Variants in PIK3R4 observed in about 807,000 individuals in gnomAD.
PIK3R4 encodes the protein phosphoinositide-3-kinase regulatory subunit 4, also known as phosphoinositide 3-kinase regulatory subunit 4.
A neutral mutation model predicts 136.5 loss-of-function variants in PIK3R4; 46 were observed. That is an observed-to-expected ratio of 0.34 (90% confidence interval 0.27 to 0.43). The LOEUF (loss-of-function observed/expected upper bound fraction) is 0.43, where lower values mean the gene tolerates loss of function less well. PIK3R4 is among the 20% of genes least tolerant of loss of function. The pLI is 1.00. For synonymous variants in PIK3R4, 557 were observed against 566.7 expected (o/e 0.98, Z 0.24); for missense variants, 1,331 against 1,649.5 (o/e 0.81, Z 3.35).
In PIK3R4 at chr3:130,686,343, C is replaced by T. The variant is rs1187051125; in HGVS notation, c.3343G>A (p.Ala1115Thr). The part of the protein sequence containing the change: ...NSGAQSVLAY[A>T]TVNGSLVGWD... ...CCAACCAGAGAGCCATTCACAGTGG[C>T]ATAGGCAAGAACAGACTGTGCTCCA... Residue 1115 changes from alanine (A) to threonine (T), a missense_variant, in exon 15 of 20, where the codon GCC (alanine) becomes ACC (threonine). Transcript: ENST00000356763. 1 of 1,613,066 alleles carries T rather than the reference C, an allele frequency of 6.2e-7. No homozygotes were observed. Among genetic ancestry groups the T allele is most frequent in the Non-Finnish European group, 8.5e-7 (1 of 1,179,080 alleles).
intron 2 of PIK3R4, among the ~76,000 whole-genome samples, chr3:130,738,023 GATTTTTCT>G (rs2066795482): frequency 6.6e-6 from 1 of 152,108 alleles, no homozygotes; most frequent in Admixed American, 6.6e-5. Context: ...ATGAGGAAGG[GATTTTTCT>G]ATTTTTCTCT....
intron 6 of PIK3R4, 57 bp downstream of exon 6, chr3:130,728,406 G>T: frequency 9.7e-7 from 1 of 1,027,502 alleles, no homozygotes; most frequent in Non-Finnish European, 1.4e-6. Flanking sequence ...AGATTGCATG[G>T]AAGTATTTGA....
In PIK3R4 at chr3:130,738,897, C is replaced by T. The variant is rs945188090; in HGVS notation, c.734-2895G>A. Among the ~76,000 whole-genome samples, 6 of 152,176 alleles carry T rather than the reference C, an allele frequency of 3.9e-5. No individual in the cohort carries two copies. In the East Asian group the frequency reaches 9.6e-4, roughly 24 times the overall value. On this transcript the variant is annotated intron_variant, in intron 2 of 19. Coordinates refer to ENST00000356763, the MANE Select transcript of PIK3R4 (RefSeq NM_014602.3). The stretch of plus-strand genomic sequence containing the variant: ...GGGCAAAACAGAGGATCCTTGAGTA[C>T]AGCAGAATGCTGAGGTCCTACTGTT...
intron 13 of PIK3R4, among the ~76,000 whole-genome samples, chr3:130,703,174 G>A (rs58051857): frequency 0.21 from 31,279 of 151,970 alleles, 3,480 homozygotes; most frequent in South Asian, 0.36. Flanking sequence ...TCAGAGTCAA[G>A]GTCAAAGTCC....
chr3:130,680,132 T>G (rs2066448787), intron 19 of PIK3R4, among the ~76,000 whole-genome samples: 1 of 151,784 alleles, frequency 6.6e-6, no homozygotes, highest in South Asian at 2.1e-4. Flanking sequence ...ATTCTACCAC[T>G]TCTAAAGCTC....
intron 2 of PIK3R4, among the ~76,000 whole-genome samples, chr3:130,737,306 G>T (rs1198549622): frequency 6.6e-6 from 1 of 151,988 alleles, no homozygotes; most frequent in Admixed American, 6.5e-5. Context: ...CAACTTCCAG[G>T]TTATATTTTA....
At chr3:130,709,046 C>A (rs1355493617) in intron 9 of PIK3R4, among the ~76,000 whole-genome samples, 7 of 152,092 alleles carry the variant, frequency 4.6e-5, no homozygotes, top group African/African-American at 9.6e-5. Flanking sequence ...CAGTAGCAAT[C>A]TAGGATAATG....
intron 9 of PIK3R4, among the ~76,000 whole-genome samples, chr3:130,714,079 A>G (rs1240737228): frequency 2.0e-5 from 3 of 152,228 alleles, no homozygotes; most frequent in Non-Finnish European, 4.4e-5. Context: ...TTTACTGCAC[A>G]TTGAAATCTC....
rs764319485 is a variant in PIK3R4, at chr3:130,734,028, GA to G, written c.969del (p.Leu324PhefsTer59). On this transcript the variant is annotated frameshift_variant, in exon 4 of 20. Transcript: ENST00000356763. LOFTEE classifies it high-confidence loss of function. ...GCAAACTGGGCCATGTAGGGCTGAA[GA>G]AAAGTGTAAAATATTTCAGGAAAGG... ...GNAFPEIFYT[F>X]LQPYMAQFAK... 1 of 1,614,002 alleles carries G rather than the reference GA, an allele frequency of 6.2e-7. No individual in the cohort carries two copies.
In PIK3R4 at chr3:130,703,844, T is replaced by C. The variant is rs201167743; in HGVS notation, c.2977A>G (p.Lys993Glu). 12 of 1,613,050 alleles carry C rather than the reference T, an allele frequency of 7.4e-6. No individual in the cohort carries two copies. The highest frequency in any genetic ancestry group is 1.0e-5 in the Non-Finnish European group (12 of 1,179,118). ...ACTCTAATTCGATTCACAGCAGATT[T>C]ATGCTCATGAAGATGGGCAACTAAC... is the stretch of plus-strand genomic sequence containing the variant. Reference protein sequence around the residue: ...GLLVAHLHEHKSAVNRIRVSD... With the variant: ...GLLVAHLHEHESAVNRIRVSD... The change falls in exon 13 of 20, where the codon AAA (lysine) becomes GAA (glutamate). Residue 993 changes from lysine to glutamate, a missense_variant. Physicochemically the swap from Lys to Glu is moderately conservative, Grantham distance 56. Transcript: ENST00000356763.
chr3:130,732,457 T>C (rs1033897796), intron 4 of PIK3R4, among the ~76,000 whole-genome samples: 20 of 152,336 alleles, frequency 1.3e-4, no homozygotes, highest in Admixed American at 3.9e-4. Context: ...TTTCATTTGA[T>C]TTGATTTTAT....
At chr3:130,693,335 G>C (rs1303191368) in intron 13 of PIK3R4, among the ~76,000 whole-genome samples, 1 of 152,142 alleles carries the variant, frequency 6.6e-6, no homozygotes, top group Non-Finnish European at 1.5e-5. Flanking sequence ...TGGAATCATA[G>C]GGTCATATGG....
At chr3:130,742,947 T>C (rs1006812109) in intron 2 of PIK3R4, among the ~76,000 whole-genome samples, 3 of 152,228 alleles carry the variant, frequency 2.0e-5, no homozygotes, top group Non-Finnish European at 2.9e-5. Context: ...GAATGCATGG[T>C]ACATTTTTCT....
At chr3:130,719,045 A>G (rs1304566648) in intron 7 of PIK3R4, among the ~76,000 whole-genome samples, 1 of 152,220 alleles carries the variant, frequency 6.6e-6, no homozygotes, top group Admixed American at 6.5e-5. Flanking sequence ...ATTCTTTTTA[A>G]TGCAGGAGTT....
chr3:130,722,007 ATCTT>A (rs540683625), intron 7 of PIK3R4, among the ~76,000 whole-genome samples: 1 of 152,278 alleles, frequency 6.6e-6, no homozygotes, highest in South Asian at 2.1e-4. Context: ...ATAATATACT[ATCTT>A]TATTTGTTGA....
intron 13 of PIK3R4, among the ~76,000 whole-genome samples, chr3:130,699,079 G>T (rs1293579892): frequency 6.6e-6 from 1 of 151,912 alleles, no homozygotes; most frequent in African/African-American, 2.4e-5. Flanking sequence ...TTTCTTCCTG[G>T]GTATGTGCAC....
intron 18 of PIK3R4, 107 bp from the exon 19 acceptor site, chr3:130,680,828 G>A (rs2066453671): frequency 1.2e-6 from 1 of 815,132 alleles, no homozygotes; most frequent in Non-Finnish European, 2.0e-6. Flanking sequence ...ATTAGGAAAA[G>A]AGGTTTTCAT....
intron 14 of PIK3R4, among the ~76,000 whole-genome samples, chr3:130,686,714 A>G (rs1271635570): frequency 6.6e-6 from 1 of 152,202 alleles, no homozygotes; most frequent in Non-Finnish European, 1.5e-5. Flanking sequence ...TAGTAATTAG[A>G]GTACAGAACG....
intron 2 of PIK3R4, among the ~76,000 whole-genome samples, chr3:130,737,758 T>A (rs2066794061): frequency 6.6e-6 from 1 of 152,214 alleles, no homozygotes; most frequent in Non-Finnish European, 1.5e-5. Flanking sequence ...AACACTTCCA[T>A]TAGCCTACAT....
Sources: allele counts gnomAD v4.1 joint callset (sites outside exome capture counted in the v4.1 genomes callset), GRCh38; gene constraint gnomAD v4.1.1; transcripts MANE v1.5; gene names NCBI Gene and HGNC (gene_info 2026-07-23, HGNC 2026-07-21).